PARD3B: variants seen among roughly 807,000 people sequenced by gnomAD.
The protein encoded by PARD3B is par-3 family cell polarity regulator beta, also known as partitioning defective 3 homolog B.
In PARD3B, 103 loss-of-function variants were observed where a neutral mutation model predicts 130.2. The ratio of observed to expected loss-of-function variants is 0.79; its 90% CI spans 0.67 to 0.93. The LOEUF is 0.93. Ranked by LOEUF, PARD3B falls within the 40% of genes least tolerant of loss-of-function variation. PARD3B has a pLI of 0.00. For missense variants in PARD3B, 1,609 were observed against 1,499.2 expected (o/e 1.07, Z -1.21); for synonymous variants, 583 against 553.2 (o/e 1.05, Z -0.76).
intron 1 of PARD3B, among the ~76,000 whole-genome samples, chr2:204,671,559 T>C (rs1365198692): frequency 6.6e-6 from 1 of 152,178 alleles, no homozygotes; most frequent in Non-Finnish European, 1.5e-5. Flanking sequence ...TGAGAAGTCA[T>C]TACTTCCTTG....
rs781110929 is a variant in PARD3B, at chr2:205,615,662, G to C, written c.3467G>C (p.Arg1156Pro). 9.5e-5 allele frequency: 154 copies of C among 1,613,630 alleles called. No individual in the cohort carries two copies. The highest frequency in any genetic ancestry group is 1.2e-4 in the Non-Finnish European group (141 of 1,179,984). The change falls in exon 23 of 23, where the codon CGA (arginine) becomes CCA (proline). Residue 1156 changes from arginine to proline, a missense_variant. Physicochemically the swap from Arg to Pro is moderately radical, Grantham distance 103 (BLOSUM62 -2). Transcript: ENST00000406610. ...PPAPQHKGPF[R>P]QDVPPSPPQH... ...GCTCCCCAGCACAAAGGACCCTTTC[G>C]ACAAGACGTTCCGCCTTCCCCTCCC... is the stretch of plus-strand genomic sequence containing the variant.
intron 1 of PARD3B, among the ~76,000 whole-genome samples, chr2:204,629,007 G>A (rs2034585413): frequency 6.6e-6 from 1 of 152,116 alleles, no homozygotes; most frequent in Non-Finnish European, 1.5e-5. Flanking sequence ...ATGTTATTTG[G>A]AAGAGCTTGG....
At chr2:205,016,401 T>A (rs1696152343) in intron 3 of PARD3B, among the ~76,000 whole-genome samples, 1 of 152,164 alleles carries the variant, frequency 6.6e-6, no homozygotes, top group Non-Finnish European at 1.5e-5. Flanking sequence ...TACCTTCACG[T>A]GTCTTTCACT....
In PARD3B at chr2:205,301,907, A is replaced by C. The variant is rs1266868932; in HGVS notation, c.2630+206A>C. 1 of 798,840 alleles carries C rather than the reference A, an allele frequency of 1.3e-6. No individual in the cohort carries two copies. Among genetic ancestry groups the C allele is most frequent in the East Asian group, 2.6e-5 (1 of 38,368 alleles). The allele number at this position is 798,840 out of a possible 1,614,324, so 49.5% of individuals were successfully genotyped here. ...ACAGTGATGACAGGACACTGTCTTA[A>C]GTTTGTTGTCAAAGAAAGGTCAACA... On this transcript the variant is annotated intron_variant, in intron 18 of 22. Transcript: ENST00000406610. This position sits in a 1 kb window ranked among gnomAD's most constrained non-coding sequence, Gnocchi z 5.2.
chr2:204,707,989 C>T (rs1353771381), intron 2 of PARD3B, among the ~76,000 whole-genome samples: 3 of 152,050 alleles, frequency 2.0e-5, no homozygotes, highest in Admixed American at 2.0e-4. Context: ...TTGGAGACTT[C>T]ATCTCTTGGT....
chr2:204,692,968 G>A (rs1174068350), intron 2 of PARD3B, among the ~76,000 whole-genome samples: 1 of 151,958 alleles, frequency 6.6e-6, no homozygotes, highest in Non-Finnish European at 1.5e-5. Flanking sequence ...GTCCATTTCT[G>A]CATTTCCTCC....
intron 2 of PARD3B, among the ~76,000 whole-genome samples, chr2:204,692,351 A>G (rs1410141193): frequency 6.6e-6 from 1 of 152,048 alleles, no homozygotes; most frequent in Non-Finnish European, 1.5e-5. Context: ...TTATTTTTAA[A>G]TTTAGACTTC....
chr2:204,645,148 C>G (rs2035229713), intron 1 of PARD3B, among the ~76,000 whole-genome samples: 1 of 152,104 alleles, frequency 6.6e-6, no homozygotes, highest in Non-Finnish European at 1.5e-5. Flanking sequence ...CACCCATATC[C>G]TGTCACTGAC....
intron 3 of PARD3B, among the ~76,000 whole-genome samples, chr2:205,016,500 G>A (rs1696159701): frequency 6.6e-6 from 1 of 152,122 alleles, no homozygotes; most frequent in Non-Finnish European, 1.5e-5. Context: ...TTAGTCCACT[G>A]ATTTTTAGAT....
Position 205,228,100 on chromosome 2 carries a change from A to G in PARD3B, c.2141-17678A>G, listed in dbSNP as rs571476434. 3.3e-5 allele frequency among the ~76,000 whole-genome samples: 5 copies of G among 152,242 alleles called. No homozygotes were observed. In the South Asian group the frequency reaches 1.0e-3, roughly 32 times the overall value. The stretch of plus-strand genomic sequence containing the variant: ...TAGTTAGTATTTTTGATCAGTTTAT[A>G]TTTTAGTCTTTCTGCTCAAGGTAAG... On this transcript the variant is annotated intron_variant, in intron 15 of 22. Transcript: ENST00000406610.
rs945983775 is a variant in PARD3B, at chr2:205,321,279, A to T, written c.2630+19578A>T. 3.3e-5 allele frequency among the ~76,000 whole-genome samples: 5 copies of T among 152,104 alleles called. No individual in the cohort carries two copies. Among genetic ancestry groups the T allele is most frequent in the African/African-American group, 7.2e-5 (3 of 41,426 alleles). On this transcript the variant is annotated intron_variant, in intron 18 of 22. Coordinates refer to ENST00000406610, the MANE Select transcript of PARD3B (RefSeq NM_001302769.2). The surrounding 1 kb of genome is among the most constrained non-coding windows in gnomAD (Gnocchi z 4.2). ...AGTATATTCTTTGATTCATTTTCTT[A>T]TTTATGTCTTTTTAACCTCAAAACT...
At chr2:205,345,756 A>C (rs576625303) in intron 18 of PARD3B, among the ~76,000 whole-genome samples, 1 of 149,218 alleles carries the variant, frequency 6.7e-6, no homozygotes, top group Admixed American at 6.9e-5. Flanking sequence ...TTCTCTTCAG[A>C]AAATTATTCT....
At chr2:205,227,868 G>A (rs1243466073) in intron 15 of PARD3B, among the ~76,000 whole-genome samples, 1 of 151,794 alleles carries the variant, frequency 6.6e-6, no homozygotes, top group Non-Finnish European at 1.5e-5. Context: ...TTTTTGATTT[G>A]AGGTTACCAT....
chr2:204,809,189 T>C (rs992370651), intron 2 of PARD3B, among the ~76,000 whole-genome samples: 1 of 152,166 alleles, frequency 6.6e-6, no homozygotes, highest in Non-Finnish European at 1.5e-5. Flanking sequence ...CTTTGTCATG[T>C]GCATAGTTTG....
chr2:204,692,217 C>T (rs2037388253), intron 2 of PARD3B, among the ~76,000 whole-genome samples: 1 of 152,072 alleles, frequency 6.6e-6, no homozygotes. Context: ...TTTTTTGTTA[C>T]AACTCACAGA....
intron 2 of PARD3B, among the ~76,000 whole-genome samples, chr2:204,913,908 G>A (rs772590306): frequency 6.6e-6 from 1 of 152,316 alleles, no homozygotes; most frequent in South Asian, 2.1e-4. Context: ...TAAAGGCACC[G>A]TGAAAACATT....
intron 3 of PARD3B, among the ~76,000 whole-genome samples, chr2:205,040,022 G>T (rs898111333): frequency 9.9e-5 from 15 of 152,134 alleles, no homozygotes; most frequent in Non-Finnish European, 2.1e-4. Context: ...GGAGTGCAGT[G>T]GCACAATCTC....
rs142839249 is a variant in PARD3B at position 205,062,964 on chromosome 2, T to G, written c.504+15274T>G. 1.4e-4 allele frequency among the ~76,000 whole-genome samples: 21 copies of G among 152,212 alleles called. No individual in the cohort carries two copies. The East Asian group carries it at 3.9e-3, about 28-fold the overall frequency. On this transcript the variant is annotated intron_variant, in intron 4 of 22. Transcript: ENST00000406610. ...CCAAGTCAGCTTCTTTCATTTTAAA[T>G]ATAGTTGCAGTGGGGGTGAGGGAGG...
At chr2:205,469,796 C>T (rs190314407) in intron 20 of PARD3B, among the ~76,000 whole-genome samples, 5 of 152,294 alleles carry the variant, frequency 3.3e-5, no homozygotes, top group East Asian at 1.9e-4. Context: ...TAGTTATTCT[C>T]GAATTTGCTT....
Sources: allele counts gnomAD v4.1 joint callset (sites outside exome capture counted in the v4.1 genomes callset), GRCh38; gene constraint gnomAD v4.1.1; non-coding constraint Gnocchi (gnomAD v3.1); transcripts MANE v1.5; gene names NCBI Gene and HGNC (gene_info 2026-07-23, HGNC 2026-07-21).